The following NOS1AP variants were observed in gnomAD, a reference collection of about 807,000 sequenced individuals.
NOS1AP encodes the protein nitric oxide synthase 1 adaptor protein.
A neutral mutation model predicts 56.2 loss-of-function variants in NOS1AP; 21 were observed. The observed-to-expected ratio is 0.37, with a 90% CI of 0.26 to 0.54. NOS1AP has a LOEUF of 0.54. Ranked by LOEUF, NOS1AP falls within the 20% of genes least tolerant of loss-of-function variation. The pLI is 0.84. For synonymous variants in NOS1AP, 270 were observed against 274.6 expected (o/e 0.98, Z 0.17); for missense variants, 522 against 657.8 (o/e 0.79, Z 2.26).
chr1:162,210,226 G>T (rs1461293653), intron 2 of NOS1AP, among the ~76,000 whole-genome samples: 1 of 152,034 alleles, frequency 6.6e-6, no homozygotes, highest in Non-Finnish European at 1.5e-5. Context: ...GAGGTGCAAG[G>T]GCTTAGAGAC....
intron 4 of NOS1AP, among the ~76,000 whole-genome samples, chr1:162,326,907 C>T (rs1238445610): frequency 6.6e-6 from 1 of 152,182 alleles, no homozygotes; most frequent in Admixed American, 6.5e-5. Flanking sequence ...TTGAAGACAA[C>T]ATAATTGATT....
At chr1:162,303,904 C>CTTTTT (rs35658165) in intron 4 of NOS1AP, among the ~76,000 whole-genome samples, 11 of 110,654 alleles carry the variant, frequency 9.9e-5, no homozygotes, top group Non-Finnish European at 1.1e-4. Context: ...TCTGGCTTGT[C>CTTTTT]TTTTTTTTTT....
At chr1:162,336,615 T>G (rs1656948065) in intron 5 of NOS1AP, among the ~76,000 whole-genome samples, 1 of 152,184 alleles carries the variant, frequency 6.6e-6, no homozygotes. Flanking sequence ...CCCAAGGAAG[T>G]AAATCACCCT....
At chr1:162,267,229 A>G (rs1654451913) in intron 2 of NOS1AP, among the ~76,000 whole-genome samples, 1 of 152,162 alleles carries the variant, frequency 6.6e-6, no homozygotes, top group South Asian at 2.1e-4. Context: ...TCTCCAAACT[A>G]ATGTTTGGAG....
At chr1:162,178,483 A>G (rs1349151586) in intron 2 of NOS1AP, among the ~76,000 whole-genome samples, 1 of 152,214 alleles carries the variant, frequency 6.6e-6, no homozygotes. Flanking sequence ...AGTTGCTAAT[A>G]TATTATTTAA....
At chr1:162,254,722 A>C (rs995701006) in intron 2 of NOS1AP, among the ~76,000 whole-genome samples, 20 of 152,226 alleles carry the variant, frequency 1.3e-4, no homozygotes, top group Admixed American at 6.5e-5. Context: ...AGTATGCCAT[A>C]GTTTATAGCA....
chr1:162,277,926 G>A (rs1043860849), intron 2 of NOS1AP, among the ~76,000 whole-genome samples: 1 of 152,166 alleles, frequency 6.6e-6, no homozygotes, highest in Non-Finnish European at 1.5e-5. Context: ...CTCATTTACA[G>A]TGTCTCTTCT....
chr1:162,343,726 G>A, intron 5 of NOS1AP, 109 bp from the exon 6 acceptor site: 1 of 1,301,170 alleles, frequency 7.7e-7, no homozygotes, highest in South Asian at 1.2e-5. Flanking sequence ...GTGCATATCT[G>A]AACAACTTTA....
At chr1:162,153,894 T>TA (rs1649819679) in intron 1 of NOS1AP, among the ~76,000 whole-genome samples, 1 of 152,190 alleles carries the variant, frequency 6.6e-6, no homozygotes, top group Admixed American at 6.5e-5. Context: ...GTCGGGAACT[T>TA]AATCAAATGT....
intron 4 of NOS1AP, among the ~76,000 whole-genome samples, chr1:162,330,710 G>T (rs1393506998): frequency 6.6e-6 from 1 of 152,190 alleles, no homozygotes; most frequent in Non-Finnish European, 1.5e-5. Flanking sequence ...CACTTTGCTG[G>T]CAATGTAGAG....
chr1:162,285,595 A>T (rs4657181), intron 2 of NOS1AP, among the ~76,000 whole-genome samples: 58,386 of 139,232 alleles, frequency 0.42, 14,332 homozygotes, highest in Non-Finnish European at 0.58. Context: ...CCTAAGCCAG[A>T]CTCCAGTGCA....
chr1:162,245,255 A>G (rs1445886693), intron 2 of NOS1AP, among the ~76,000 whole-genome samples: 10 of 152,230 alleles, frequency 6.6e-5, no homozygotes, highest in Admixed American at 3.9e-4. Flanking sequence ...AGACATAAAG[A>G]TGGCAGATAT....
intron 2 of NOS1AP, among the ~76,000 whole-genome samples, chr1:162,242,525 G>T (rs1243574877): frequency 1.3e-5 from 2 of 152,150 alleles, no homozygotes; most frequent in African/African-American, 4.8e-5. Flanking sequence ...GTCAGCTGTG[G>T]ATTGAGCCAT....
At chr1:162,180,939 C>T (rs1233006280) in intron 2 of NOS1AP, among the ~76,000 whole-genome samples, 1 of 152,226 alleles carries the variant, frequency 6.6e-6, no homozygotes, top group Non-Finnish European at 1.5e-5. Flanking sequence ...CTAAAACATT[C>T]CCTGTTCAGT....
At chr1:162,121,808 C>A (rs1453980295) in intron 1 of NOS1AP, among the ~76,000 whole-genome samples, 3 of 152,176 alleles carry the variant, frequency 2.0e-5, no homozygotes, top group African/African-American at 7.2e-5. Context: ...GGAAGTAGAA[C>A]CCTCACCTCT....
chr1:162,254,456 G>A (rs531294005), intron 2 of NOS1AP, among the ~76,000 whole-genome samples: 1 of 152,290 alleles, frequency 6.6e-6, no homozygotes, highest in East Asian at 1.9e-4. Context: ...AAAGGGCAAA[G>A]CCATGGGCCT....
intron 9 of NOS1AP, among the ~76,000 whole-genome samples, chr1:162,366,410 G>A (rs553449046): frequency 6.6e-6 from 1 of 152,310 alleles, no homozygotes; most frequent in East Asian, 1.9e-4. Flanking sequence ...CTAGCTCAAG[G>A]TTATAGGCCT....
chr1:162,118,651 G>A (rs1648071075), intron 1 of NOS1AP, among the ~76,000 whole-genome samples: 1 of 152,162 alleles, frequency 6.6e-6, no homozygotes, highest in South Asian at 2.1e-4. Context: ...CACTCCAGCT[G>A]CTGTTTTTCA....
At chr1:162,113,189 C>A (rs577678046) in intron 1 of NOS1AP, among the ~76,000 whole-genome samples, 1 of 152,122 alleles carries the variant, frequency 6.6e-6, no homozygotes, top group African/African-American at 2.4e-5. Context: ...TCCTGATAAT[C>A]CTGGCAGGAG....
Sources: gnomAD v4.1 joint callset for allele counts (sites outside exome capture counted in the v4.1 genomes callset) on GRCh38, gnomAD v4.1.1 for gene constraint, MANE v1.5 for transcripts, NCBI Gene and HGNC (gene_info 2026-07-23, HGNC 2026-07-21) for gene names.